Variants in AFF3 observed in about 807,000 individuals in gnomAD.
The protein encoded by AFF3 is ALF transcription elongation factor 3.
A neutral mutation model predicts 129.7 loss-of-function variants in AFF3; 32 were observed. The observed-to-expected ratio is 0.25, with a 90% confidence interval of 0.19 to 0.33. The LOEUF (loss-of-function observed/expected upper bound fraction) is 0.33, where lower values mean the gene tolerates loss of function less well. AFF3 is among the 10% of genes least tolerant of loss of function. AFF3 has a pLI of 1.00. For synonymous variants in AFF3, 644 were observed against 635.4 expected, an observed-to-expected ratio of 1.01 and a Z score of -0.20; for missense variants, 1,373 against 1,592.0, an observed-to-expected ratio of 0.86 and a Z score of 2.34.
chr2:99,663,432 G>A (rs1291440686), intron 12 of AFF3, among the ~76,000 whole-genome samples: 3 of 152,150 alleles, frequency 2.0e-5, no homozygotes, highest in Non-Finnish European at 2.9e-5. Flanking sequence ...TAAGAGACAC[G>A]ACTATTACTC....
intron 18 of AFF3, among the ~76,000 whole-genome samples, chr2:99,576,640 T>C (rs1677026857): frequency 6.6e-6 from 1 of 152,048 alleles, no homozygotes; most frequent in Non-Finnish European, 1.5e-5. Flanking sequence ...TAATATGACA[T>C]ATGTGTTTGT....
At chr2:99,592,935 C>CA (rs1164679931) in intron 15 of AFF3, among the ~76,000 whole-genome samples, 3 of 83,554 alleles carry the variant, frequency 3.6e-5, no homozygotes, top group Non-Finnish European at 7.6e-5. Flanking sequence ...GACTCCCTCC[C>CA]CCCCCCCCAA....
chr2:99,914,856 T>C (rs951567603), intron 7 of AFF3, among the ~76,000 whole-genome samples: 9 of 151,886 alleles, frequency 5.9e-5, no homozygotes, highest in African/African-American at 1.2e-4. Context: ...GGAGCTGAGA[T>C]TGCACCACTG....
intron 4 of AFF3, among the ~76,000 whole-genome samples, chr2:100,028,785 T>C (rs984611652): frequency 1.3e-5 from 2 of 152,170 alleles, no homozygotes; most frequent in African/African-American, 4.8e-5. Context: ...TGTGGAGATA[T>C]TGCAAAGAAA....
intron 7 of AFF3, among the ~76,000 whole-genome samples, chr2:99,949,695 C>T (rs1187534339): frequency 6.6e-6 from 1 of 152,158 alleles, no homozygotes; most frequent in Non-Finnish European, 1.5e-5. Context: ...AATACTGCTG[C>T]TAATGTGAGC....
At chr2:100,067,342 G>A (rs1429644285) in intron 4 of AFF3, among the ~76,000 whole-genome samples, 1 of 152,176 alleles carries the variant, frequency 6.6e-6, no homozygotes, top group African/African-American at 2.4e-5. Flanking sequence ...CCTCTTATCT[G>A]TTTCCTTCCT....
At chr2:99,623,382 T>C (rs183269773) in intron 13 of AFF3, among the ~76,000 whole-genome samples, 19 of 152,312 alleles carry the variant, frequency 1.2e-4, no homozygotes, top group African/African-American at 4.6e-4. Flanking sequence ...GCATTTTAAT[T>C]TGCTACTTAA....
chr2:100,041,946 C>T (rs1559081095), intron 4 of AFF3, among the ~76,000 whole-genome samples: 1 of 152,018 alleles, frequency 6.6e-6, no homozygotes, highest in East Asian at 1.9e-4. Flanking sequence ...TCATATTTTC[C>T]CTGGCTTTAA....
intron 24 of AFF3, among the ~76,000 whole-genome samples, chr2:99,553,748 C>A (rs1674626704): frequency 1.3e-5 from 2 of 151,446 alleles, no homozygotes; most frequent in Non-Finnish European, 2.9e-5. Context: ...CCCGCCTCTA[C>A]TAAAAATACA....
At chr2:99,626,650 T>TG (rs1363228308) in intron 13 of AFF3, among the ~76,000 whole-genome samples, 1 of 151,918 alleles carries the variant, frequency 6.6e-6, no homozygotes, top group Non-Finnish European at 1.5e-5. Context: ...TCACCGGGTT[T>TG]GATGTGCAGA....
chr2:99,671,682 A>G (rs796475307), intron 12 of AFF3, among the ~76,000 whole-genome samples: 1 of 152,216 alleles, frequency 6.6e-6, no homozygotes, highest in Non-Finnish European at 1.5e-5. Context: ...ACTGCATACA[A>G]AAATGACTTA....
At chr2:100,038,913 G>A (rs1472192851) in intron 4 of AFF3, among the ~76,000 whole-genome samples, 1 of 151,718 alleles carries the variant, frequency 6.6e-6, no homozygotes, top group Admixed American at 6.6e-5. Context: ...TAGTAGAGAC[G>A]GGGTTTCACC....
chr2:99,639,156 C>A (rs771829399), intron 13 of AFF3, among the ~76,000 whole-genome samples: 5 of 152,168 alleles, frequency 3.3e-5, no homozygotes, highest in Admixed American at 2.6e-4. Flanking sequence ...TATCCTCAGC[C>A]TGCTCTCTTC....
intron 8 of AFF3, among the ~76,000 whole-genome samples, chr2:99,826,386 G>A (rs995709102): frequency 1.3e-5 from 2 of 152,148 alleles, no homozygotes; most frequent in South Asian, 4.1e-4. Context: ...GATAACAACA[G>A]CCCAGGAGAA....
rs199884902 is a variant in AFF3 at position 99,582,812 on chromosome 2, C to G, written c.2779G>C (p.Gly927Arg). 1.1e-5 allele frequency: 18 copies of G among 1,614,086 alleles called. No homozygotes were observed. Among genetic ancestry groups the G allele is most frequent in the Non-Finnish European group, 1.5e-5 (18 of 1,180,006 alleles). Residue 927 changes from glycine (G) to arginine (R), a missense_variant, in exon 17 of 25, where the codon GGC (glycine) becomes CGC (arginine). Physicochemically the swap from Gly to Arg is moderately radical, Grantham distance 125. Transcript: ENST00000672756. ...PKADSQLQPH[G>R]GDLTKAAHNN... The stretch of plus-strand genomic sequence containing the variant: ...CATCAACAAACCGTGAGGTCTCCGC[C>G]GTGAGGCTGCAGCTGGCTGTCGGCC...
chr2:99,861,258 A>G (rs1007293600), intron 7 of AFF3, among the ~76,000 whole-genome samples: 4 of 152,216 alleles, frequency 2.6e-5, no homozygotes, highest in African/African-American at 9.6e-5. Flanking sequence ...AACATTGCCA[A>G]TTCAAAAGAT....
intron 11 of AFF3, among the ~76,000 whole-genome samples, chr2:99,722,143 G>A (rs1439183714): frequency 6.6e-6 from 1 of 151,950 alleles, no homozygotes; most frequent in Non-Finnish European, 1.5e-5. Context: ...CTTCTTTTCA[G>A]TCATGATGAC....
chr2:99,605,819 A>C (rs377137132), intron 13 of AFF3, among the ~76,000 whole-genome samples: 52 of 152,054 alleles, frequency 3.4e-4, no homozygotes, highest in East Asian at 1.9e-3. Flanking sequence ...AGTAGCTGGA[A>C]CTACAGGCAT....
chr2:100,120,834 C>T (rs1691934397), intron 2 of AFF3, among the ~76,000 whole-genome samples: 1 of 151,998 alleles, frequency 6.6e-6, no homozygotes, highest in South Asian at 2.1e-4. Flanking sequence ...ATGGGAGTCT[C>T]CCTATGTTGC....
Sources: gnomAD v4.1 joint callset for allele counts (sites outside exome capture counted in the v4.1 genomes callset) on GRCh38, gnomAD v4.1.1 for gene constraint, MANE v1.5 for transcripts, NCBI Gene and HGNC (gene_info 2026-07-23, HGNC 2026-07-21) for gene names.